The following C3orf20 variants were observed in gnomAD, a reference collection of about 807,000 sequenced individuals.
C3orf20 encodes the protein uncharacterized protein C3orf20.
Under a neutral mutation model 88.3 loss-of-function variants are expected in C3orf20, and 76 were observed. That is an observed-to-expected ratio of 0.86 (90% confidence interval 0.72 to 1.04). The LOEUF (loss-of-function observed/expected upper bound fraction) is 1.04, where lower values mean the gene tolerates loss of function less well. Among genes scored for constraint, C3orf20 ranks in the 50% least tolerant of loss-of-function variants. C3orf20 has a pLI of 0.00. For synonymous variants in C3orf20, 436 were observed against 437.4 expected (o/e 1.00, Z 0.04); for missense variants, 1,056 against 1,123.3 (o/e 0.94, Z 0.86).
At chr3:14,696,371 CATT>C (rs141837445) in intron 5 of C3orf20, among the ~76,000 whole-genome samples, 5,027 of 142,000 alleles carry the variant, frequency 0.035, 156 homozygotes, top group African/African-American at 0.096. Context: ...GTTGTGCTAT[CATT>C]ATTATTATTA....
chr3:14,721,554 C>A, intron 9 of C3orf20, 99 bp from the exon 10 acceptor site: 1 of 1,501,380 alleles, frequency 6.7e-7, no homozygotes, highest in South Asian at 1.3e-5. Flanking sequence ...AATCTTCTGC[C>A]CCAAGCCAAC....
At position 14,704,426 on chromosome 3, in the gene C3orf20, T is replaced by C. The variant is rs1191845464; in HGVS notation, c.968T>C (p.Met323Thr). ...NYKAKMPSHL[M>T]LARKGDSQTP... The stretch of plus-strand genomic sequence containing the variant: ...AAGGCAAAGATGCCCTCTCATCTAA[T>C]GTTGGCCCGCAAAGGAGACTCTCAG... Residue 323 changes from methionine to threonine, a missense_variant, in exon 7 of 17, where the codon ATG (methionine) becomes ACG (threonine). Coordinates refer to ENST00000253697, the MANE Select transcript of C3orf20 (RefSeq NM_032137.5). 1.2e-6 allele frequency: 2 copies of C among 1,614,158 alleles called. No individual in the cohort carries two copies. Among genetic ancestry groups the C allele is most frequent in the Non-Finnish European group, 8.5e-7 (1 of 1,180,030 alleles).
chr3:14,724,277 G>A (rs1164690006), intron 10 of C3orf20, among the ~76,000 whole-genome samples: 1 of 152,134 alleles, frequency 6.6e-6, no homozygotes, highest in African/African-American at 2.4e-5. Context: ...ATAAAATTGT[G>A]GCAATGCTTC....
chr3:14,707,798 A>T (rs2033577965), intron 7 of C3orf20, among the ~76,000 whole-genome samples: 1 of 146,798 alleles, frequency 6.8e-6, no homozygotes, highest in Admixed American at 6.9e-5. Context: ...CAAGGTTATA[A>T]CATTTACCCC....
intron 12 of C3orf20, among the ~76,000 whole-genome samples, chr3:14,752,642 A>G (rs574341706): frequency 6.6e-6 from 1 of 152,312 alleles, no homozygotes; most frequent in African/African-American, 2.4e-5. Context: ...AATTTACAAG[A>G]AAAAAACAAA....
chr3:14,747,131 G>A (rs2035079042), intron 12 of C3orf20, among the ~76,000 whole-genome samples: 1 of 152,152 alleles, frequency 6.6e-6, no homozygotes, highest in Non-Finnish European at 1.5e-5. Context: ...CCAACTAGGT[G>A]GCCTAAAGGA....
chr3:14,677,594 G>A (rs1447589953), intron 1 of C3orf20, among the ~76,000 whole-genome samples: 2 of 151,948 alleles, frequency 1.3e-5, no homozygotes, highest in Non-Finnish European at 2.9e-5. Flanking sequence ...TCTGCCTCCC[G>A]GGTTCAGGCG....
intron 12 of C3orf20, among the ~76,000 whole-genome samples, chr3:14,746,392 G>A (rs1198253817): frequency 2.6e-5 from 4 of 152,178 alleles, no homozygotes; most frequent in Non-Finnish European, 2.9e-5. Context: ...TAAGGTTATA[G>A]GAGGTCATTT....
intron 11 of C3orf20, 89 bp downstream of exon 11, chr3:14,727,113 A>G: frequency 2.1e-6 from 3 of 1,407,874 alleles, no homozygotes; most frequent in Non-Finnish European, 3.0e-6. Context: ...ACAGACCTTT[A>G]CTTTACCGCC....
At chr3:14,704,706 G>A in intron 7 of C3orf20, 88 bp downstream of exon 7, 1 of 1,496,982 alleles carries the variant, frequency 6.7e-7, no homozygotes, top group Non-Finnish European at 9.0e-7. Flanking sequence ...TGTTTCCTTG[G>A]GCCTTTTAGT....
intron 1 of C3orf20, among the ~76,000 whole-genome samples, chr3:14,676,048 G>A (rs1374380758): frequency 1.3e-5 from 2 of 151,750 alleles, no homozygotes; most frequent in Non-Finnish European, 2.9e-5. Context: ...CACATGCTTA[G>A]TAACAGTTTG....
chr3:14,675,244 A>G lies in C3orf20; in HGVS notation c.-307A>G, dbSNP rs1446608883. 1 of 152,198 alleles carries G rather than the reference A, an allele frequency of 6.6e-6. No homozygotes were observed. Among genetic ancestry groups the G allele is most frequent in the Non-Finnish European group, 1.5e-5 (1 of 68,040 alleles). The allele number at this position is 152,198 out of a possible 1,614,324, so 9.4% of individuals were successfully genotyped here. On this transcript the variant is annotated 5_prime_UTR_variant, in exon 1 of 17. An upstream start codon of the reference 5' UTR is lost. Coordinates refer to ENST00000253697, the MANE Select transcript of C3orf20 (RefSeq NM_032137.5). ...GCAAGCAGTTCCTATAAAAAACTAC[A>G]TGGCTAAGGTGAGTGATGATCACTG...
At chr3:14,704,709 CT>C (rs780884513) in intron 7 of C3orf20, 91 bp downstream of exon 7, 102 of 1,480,380 alleles carry the variant, frequency 6.9e-5, no homozygotes, top group Non-Finnish European at 8.9e-5. Context: ...TTCCTTGGGC[CT>C]TTTAGTTATC....
intron 6 of C3orf20, among the ~76,000 whole-genome samples, chr3:14,703,527 T>C (rs2033367971): frequency 6.6e-6 from 1 of 152,214 alleles, no homozygotes; most frequent in Non-Finnish European, 1.5e-5. Context: ...TTGATGCCCA[T>C]TTTGTGGATG....
chr3:14,746,113 T>C (rs1034475068), intron 12 of C3orf20, among the ~76,000 whole-genome samples: 2 of 152,182 alleles, frequency 1.3e-5, no homozygotes, highest in African/African-American at 4.8e-5. Flanking sequence ...TAGAGATGAA[T>C]CTCTAAAGAA....
At chr3:14,766,533 C>A (rs969009896) in intron 15 of C3orf20, among the ~76,000 whole-genome samples, 2 of 152,248 alleles carry the variant, frequency 1.3e-5, no homozygotes, top group African/African-American at 4.8e-5. Context: ...TCACTGCTAT[C>A]CCCCTGCCTC....
intron 8 of C3orf20, among the ~76,000 whole-genome samples, chr3:14,714,780 A>G (rs2033881516): frequency 1.3e-5 from 2 of 151,890 alleles, no homozygotes; most frequent in Non-Finnish European, 2.9e-5. Context: ...AATTTTTTAA[A>G]TTTTTTTGTA....
intron 5 of C3orf20, among the ~76,000 whole-genome samples, chr3:14,696,046 C>T (rs2032981758): frequency 6.6e-6 from 1 of 151,426 alleles, no homozygotes; most frequent in Non-Finnish European, 1.5e-5. Flanking sequence ...GTGGTCTTCT[C>T]ATTCTTCTTT....
intron 7 of C3orf20, among the ~76,000 whole-genome samples, chr3:14,705,700 A>G (rs2033470086): frequency 6.6e-6 from 1 of 152,212 alleles, no homozygotes; most frequent in Non-Finnish European, 1.5e-5. Flanking sequence ...TTTGACCACA[A>G]GGACTCTGAG....
Sources: gnomAD v4.1 joint callset for allele counts (sites outside exome capture counted in the v4.1 genomes callset) on GRCh38, gnomAD v4.1.1 for gene constraint, MANE v1.5 for transcripts, NCBI Gene and HGNC (gene_info 2026-07-23, HGNC 2026-07-21) for gene names.